KLRG1: variants seen among roughly 807,000 people sequenced by gnomAD.
KLRG1 encodes the protein killer cell lectin like receptor G1.
Under a neutral mutation model 21.8 loss-of-function variants are expected in KLRG1, and 16 were observed. The ratio of observed to expected loss-of-function variants is 0.73; its 90% confidence interval spans 0.50 to 1.11. The LOEUF is 1.11. Ranked by LOEUF, KLRG1 falls within the 50% of genes most tolerant of loss-of-function variation. The pLI is 0.00. For missense variants in KLRG1, 173 were observed against 218.3 expected (o/e 0.79, Z 1.31); for synonymous variants, 69 against 75.9 (o/e 0.91, Z 0.47).
chr12:9,151,972 C>T, the KLRG1 span, among the ~76,000 whole-genome samples: 1 of 152,056 alleles, frequency 6.6e-6, no homozygotes, highest in African/African-American at 2.4e-5. Context: ...TGTTTTGTGC[C>T]CATGTGCTTT....
the KLRG1 span, chr12:9,099,402 AACATC>A: frequency 6.4e-7 from 1 of 1,562,592 alleles, no homozygotes; most frequent in South Asian, 1.2e-5. Context: ...GACAATTTTC[AACATC>A]ATATTTTGCA....
the KLRG1 span, among the ~76,000 whole-genome samples, chr12:9,169,189 C>A: frequency 1.3e-5 from 2 of 151,424 alleles, no homozygotes; most frequent in East Asian, 1.9e-4. Flanking sequence ...AATAAAAAAA[C>A]CTAAATATAA....
the KLRG1 span, chr12:9,135,520 A>T: frequency 2.8e-6 from 1 of 358,022 alleles, no homozygotes. Flanking sequence ...AGACAGCTGA[A>T]TAAACTGTAA....
the KLRG1 span, among the ~76,000 whole-genome samples, chr12:9,059,912 T>C: frequency 6.6e-6 from 1 of 150,622 alleles, no homozygotes; most frequent in South Asian, 2.1e-4. Context: ...ACCCCTGAAC[T>C]CAAGCAATCC....
chr12:9,071,862 G>A, the KLRG1 span, among the ~76,000 whole-genome samples: 6 of 152,292 alleles, frequency 3.9e-5, no homozygotes, highest in South Asian at 1.2e-3. Flanking sequence ...GTAATAATAT[G>A]TTTGTGGAGA....
In KLRG1 at chr12:8,965,591, C is replaced by T. The variant is rs781621678; in HGVS notation, c.-156+15355C>T. Reference sequence around the variant, plus strand: ...ATGAGTGAACTCCCATTCACAATTGCTTCAAAGAGAATAAAATACCTAGGA... The same window carrying T: ...ATGAGTGAACTCCCATTCACAATTGTTTCAAAGAGAATAAAATACCTAGGA... On this transcript the variant is annotated intron_variant, in intron 1 of 4. Coordinates refer to the KLRG1 transcript ENST00000539240. Among the ~76,000 whole-genome samples the T allele has an allele frequency of 5.9e-5, 9 of 152,104 alleles. No individual in the cohort carries two copies. In the East Asian group the frequency reaches 1.7e-3, roughly 29 times the overall value.
the KLRG1 span, among the ~76,000 whole-genome samples, chr12:9,096,387 G>T: frequency 4.7e-4 from 72 of 152,262 alleles, no homozygotes; most frequent in Non-Finnish European, 8.5e-4. Context: ...AGAAGGAAAT[G>T]ATAGTTTTGT....
At chr12:9,096,388 A>G in the KLRG1 span, among the ~76,000 whole-genome samples, 1 of 152,160 alleles carries the variant, frequency 6.6e-6, no homozygotes, top group Non-Finnish European at 1.5e-5. Flanking sequence ...GAAGGAAATG[A>G]TAGTTTTGTG....
the KLRG1 span, among the ~76,000 whole-genome samples, chr12:9,082,399 G>A: frequency 6.6e-6 from 1 of 152,166 alleles, no homozygotes. Context: ...AGACAAAACA[G>A]TGATCTTGCC....
chr12:9,162,798 G>T, the KLRG1 span: 1 of 665,902 alleles, frequency 1.5e-6, no homozygotes, highest in Admixed American at 2.8e-5. Context: ...AAGTTCAAGG[G>T]GACATGTGCA....
intron 1 of KLRG1, among the ~76,000 whole-genome samples, chr12:8,953,014 T>C (rs1389167234): frequency 6.6e-6 from 1 of 150,456 alleles, no homozygotes; most frequent in Non-Finnish European, 1.5e-5. Context: ...CTCGGTCACT[T>C]TGCCAACCAG....
chr12:9,161,874 A>G, the KLRG1 span, among the ~76,000 whole-genome samples: 26 of 152,136 alleles, frequency 1.7e-4, 1 homozygote, highest in Admixed American at 1.6e-3. Flanking sequence ...AGGAAATGCT[A>G]TATGTTTTGT....
At chr12:9,065,228 G>C in the KLRG1 span, 3 of 146,412 alleles carry the variant, frequency 2.0e-5, no homozygotes, top group East Asian at 2.1e-4. Flanking sequence ...CTCAGGAGCA[G>C]GTGAGCCAGG....
chr12:9,004,938 A>G (rs1005413299), intron 3 of KLRG1, among the ~76,000 whole-genome samples: 6 of 152,228 alleles, frequency 3.9e-5, no homozygotes, highest in South Asian at 2.1e-4. Context: ...AAATTGGCAC[A>G]TAATAATTAT....
upstream of KLRG1, among the ~76,000 whole-genome samples, chr12:8,985,071 CT>C (rs1946820413): frequency 6.6e-6 from 1 of 152,042 alleles, no homozygotes; most frequent in African/African-American, 2.4e-5. Context: ...CAGTTTTCCA[CT>C]AATGCTCTTT....
At chr12:9,196,269 G>A in the KLRG1 span, 1 of 1,155,540 alleles carries the variant, frequency 8.7e-7, no homozygotes, top group Admixed American at 1.8e-5. Flanking sequence ...CTGCATCATT[G>A]TGTCCTGTGC....
chr12:8,988,562 T>C (rs947813062), upstream of KLRG1: 1 of 152,218 alleles, frequency 6.6e-6, no homozygotes, highest in Non-Finnish European at 1.5e-5. Context: ...TCAATACTCT[T>C]TCTGTTTCCT....
At chr12:9,091,022 G>T in the KLRG1 span, among the ~76,000 whole-genome samples, 1 of 152,128 alleles carries the variant, frequency 6.6e-6, no homozygotes, top group Non-Finnish European at 1.5e-5. Flanking sequence ...GGTTATAAGG[G>T]CTAGAAACTT....
the KLRG1 span, chr12:9,158,552 AG>A: frequency 5.6e-6 from 9 of 1,614,136 alleles, no homozygotes; most frequent in Non-Finnish European, 7.6e-6. Flanking sequence ...CCTGGGCGAA[AG>A]TCTTCAGTAC....
Sources: allele counts gnomAD v4.1 joint callset (sites outside exome capture counted in the v4.1 genomes callset), GRCh38; gene constraint gnomAD v4.1.1; transcripts MANE v1.5; gene names NCBI Gene and HGNC (gene_info 2026-07-23, HGNC 2026-07-21).